GRHL3: variants seen among roughly 807,000 people sequenced by gnomAD.
The protein encoded by GRHL3 is grainyhead like transcription factor 3, also known as grainyhead-like protein 3 homolog.
GRHL3 carries 20 observed loss-of-function variants against 70.3 expected under a neutral mutation model. That is an observed-to-expected ratio of 0.28 (90% CI 0.20 to 0.41). GRHL3 has a LOEUF of 0.41. GRHL3 is among the 10% of genes least tolerant of loss of function. GRHL3 has a pLI of 1.00. For synonymous variants in GRHL3, 299 were observed against 299.9 expected (o/e 1.00, Z 0.03); for missense variants, 637 against 762.3 (o/e 0.84, Z 1.94).
downstream of GRHL3, among the ~76,000 whole-genome samples, chr1:24,356,413 G>T (rs1640720407): frequency 6.6e-6 from 1 of 151,708 alleles, no homozygotes; most frequent in Non-Finnish European, 1.5e-5. Flanking sequence ...CTAATTTTTT[G>T]TATTTTTAGT....
chr1:24,363,163 T>C (rs1415375964), intron 15 of GRHL3, among the ~76,000 whole-genome samples: 5 of 152,240 alleles, frequency 3.3e-5, no homozygotes, highest in African/African-American at 1.2e-4. Context: ...AGGTGTCTGC[T>C]TTCTTAGCCA....
downstream of GRHL3, chr1:24,356,892 A>C (rs1293057978): frequency 6.6e-6 from 1 of 152,202 alleles, no homozygotes; most frequent in Non-Finnish European, 1.5e-5. Flanking sequence ...AGAACCTCCC[A>C]GCGCTGACAG....
rs1639237293 is a variant in GRHL3 at position 24,322,549 on chromosome 1, G to A, written c.17+2981G>A. On this transcript the variant is annotated intron_variant, in intron 1 of 15. Coordinates refer to ENST00000361548, the MANE Select transcript of GRHL3 (RefSeq NM_198173.3). This position sits in a 1 kb window ranked among gnomAD's most constrained non-coding sequence, Gnocchi z 4.4. The stretch of plus-strand genomic sequence containing the variant: ...TCTTTGAGTTCGGGCTGTAAAACTG[G>A]CGGACTGGGCCGAGAGGCTTGAGCC... Among the ~76,000 whole-genome samples the A allele has an allele frequency of 6.6e-6, 1 of 152,244 alleles. No individual in the cohort carries two copies. The highest frequency in any genetic ancestry group is 2.4e-5 in the African/African-American group (1 of 41,460).
intron 3 of GRHL3, among the ~76,000 whole-genome samples, chr1:24,336,140 A>G (rs1639800931): frequency 6.6e-6 from 1 of 152,006 alleles, no homozygotes; most frequent in Admixed American, 6.5e-5. Context: ...GACTCAATAC[A>G]GTTGTTTTGA....
At chr1:24,356,154 C>A (rs563015630), downstream of GRHL3, among the ~76,000 whole-genome samples, 6 of 152,334 alleles carry the variant, frequency 3.9e-5, no homozygotes, top group African/African-American at 1.4e-4. Context: ...TCGCCTCAGC[C>A]TCCCAAAGTG....
At chr1:24,352,860 A>G (rs995751122) in intron 15 of GRHL3, among the ~76,000 whole-genome samples, 1 of 152,194 alleles carries the variant, frequency 6.6e-6, no homozygotes, top group Non-Finnish European at 1.5e-5. Context: ...ATTGGCAGTC[A>G]GCGCTCAAAC....
At position 24,325,436 on chromosome 1, in the gene GRHL3, T is replaced by G. The variant is rs1212330598; in HGVS notation, c.17+5868T>G. Among the ~76,000 whole-genome samples, 5 of 152,366 alleles carry G rather than the reference T, an allele frequency of 3.3e-5. No homozygotes were observed. The East Asian group carries it at 9.6e-4, about 29-fold the overall frequency. On this transcript the variant is annotated intron_variant, in intron 1 of 15. Coordinates refer to ENST00000361548, the MANE Select transcript of GRHL3 (RefSeq NM_198173.3). ...AGACCTCTGAGGTCTGTCTGCATCC[T>G]AAATTGCTAGGATTCTAACAGAAGG...
In GRHL3 at chr1:24,350,686, G is replaced by C. The variant is rs1569922989; in HGVS notation, c.1694+564G>C. Among the ~76,000 whole-genome samples the C allele has an allele frequency of 4.6e-5, 7 of 152,216 alleles. No individual in the cohort carries two copies. In the East Asian group the frequency reaches 1.3e-3, roughly 29 times the overall value. On this transcript the variant is annotated intron_variant, in intron 15 of 15. Coordinates refer to ENST00000361548, the MANE Select transcript of GRHL3 (RefSeq NM_198173.3). The stretch of plus-strand genomic sequence containing the variant: ...GCCGTAGGCAGGAAGGGAGTGGCTG[G>C]CGATGAGTCTGGAAAAGGAGTTGTG...
intron 15 of GRHL3, among the ~76,000 whole-genome samples, chr1:24,350,960 G>A (rs1051858668): frequency 6.6e-6 from 1 of 152,224 alleles, no homozygotes; most frequent in Non-Finnish European, 1.5e-5. Context: ...TAGTGAGCCT[G>A]TCCTCTGCAG....
Position 24,319,517 on chromosome 1 carries a change from C to T in GRHL3, c.-35C>T, listed in dbSNP as rs571162199. 4 of 1,580,164 alleles carry T rather than the reference C, an allele frequency of 2.5e-6. No homozygotes were observed. The East Asian group carries it at 6.7e-5, about 27-fold the overall frequency. ...ATTAGAGACAAGCGGTCAGCAGAGC[C>T]TCAGTGCTGATCGTCGGAGCTTGGG... On this transcript the variant is annotated 5_prime_UTR_variant, in exon 1 of 16. Transcript: ENST00000361548.
intron 15 of GRHL3, among the ~76,000 whole-genome samples, chr1:24,350,406 C>T (rs996206631): frequency 1.3e-5 from 2 of 152,170 alleles, no homozygotes; most frequent in African/African-American, 4.8e-5. Context: ...TTCAAGGCCA[C>T]TGGGAAACCA....
chr1:24,326,298 G>A (rs1639384403), intron 1 of GRHL3, among the ~76,000 whole-genome samples: 1 of 151,562 alleles, frequency 6.6e-6, no homozygotes, highest in Non-Finnish European at 1.5e-5. Context: ...CTTTGATCTG[G>A]AAGGTCCAAG....
intron 13 of GRHL3, 44 bp from the exon 14 acceptor site, chr1:24,347,424 T>C: frequency 6.7e-7 from 1 of 1,488,518 alleles, no homozygotes. Flanking sequence ...GATGATCCTG[T>C]TCACATTATC....
downstream of GRHL3, chr1:24,358,566 T>G (rs1442897435): frequency 6.2e-7 from 1 of 1,614,016 alleles, no homozygotes; most frequent in East Asian, 2.2e-5. Flanking sequence ...ATCCATTTCT[T>G]GTCCTCGTTG....
At chr1:24,362,460 G>T (rs1240941697) in intron 15 of GRHL3, among the ~76,000 whole-genome samples, 2 of 152,168 alleles carry the variant, frequency 1.3e-5, no homozygotes, top group Non-Finnish European at 2.9e-5. Flanking sequence ...GTAAGACAAG[G>T]CCCCTGATTT....
chr1:24,363,393 G>A (rs1055821762), intron 15 of GRHL3, among the ~76,000 whole-genome samples: 2 of 152,152 alleles, frequency 1.3e-5, no homozygotes, highest in Admixed American at 6.5e-5. Flanking sequence ...ACTAAGACAC[G>A]GACTTGAGTG....
In GRHL3 at chr1:24,362,684, G is replaced by A. The variant is rs574750615; in HGVS notation, c.1695-1501G>A. Among the ~76,000 whole-genome samples the A allele has an allele frequency of 6.6e-4, 101 of 152,270 alleles. 1 individual carries two copies. The Middle Eastern group carries it at 0.01, about 15-fold the overall frequency. The stretch of plus-strand genomic sequence containing the variant: ...GGTGACAGACAGGCAACTGAGCCTC[G>A]TAAAAGACTGACAGGGCCCTTCCAC... On this transcript the variant is annotated intron_variant, in intron 15 of 15. Transcript: ENST00000350501.
intron 1 of GRHL3, among the ~76,000 whole-genome samples, chr1:24,326,506 C>A (rs113610333): frequency 3.3e-5 from 5 of 152,034 alleles, no homozygotes; most frequent in African/African-American, 9.7e-5. Context: ...TTCTTCATAG[C>A]TCTCTTCACC....
Position 24,342,608 on chromosome 1 carries a change from C to T in GRHL3, c.1207-86C>T, listed in dbSNP as rs1180615035. 3 of 1,216,636 alleles carry T rather than the reference C, an allele frequency of 2.5e-6. No homozygotes were observed. The highest frequency in any genetic ancestry group is 1.5e-5 in the African/African-American group (1 of 67,164). 75.4% of individuals were successfully genotyped at this position (1,216,636 alleles called of 1,614,324 possible). On this transcript the variant is annotated intron_variant, in intron 9 of 15. Coordinates refer to ENST00000361548, the MANE Select transcript of GRHL3 (RefSeq NM_198173.3). This position sits in a 1 kb window ranked among gnomAD's most constrained non-coding sequence, Gnocchi z 4.8. The stretch of plus-strand genomic sequence containing the variant: ...GAAAAAAGAAGGACCAGAAGCTTGG[C>T]CCATATTTAAGATGCAAAGCAGCAG...
Sources: allele counts gnomAD v4.1 joint callset (sites outside exome capture counted in the v4.1 genomes callset), GRCh38; gene constraint gnomAD v4.1.1; non-coding constraint Gnocchi (gnomAD v3.1); transcripts MANE v1.5; gene names NCBI Gene and HGNC (gene_info 2026-07-23, HGNC 2026-07-21).